The following KIAA1671 variants were observed in gnomAD, a reference collection of about 807,000 sequenced individuals.
The protein encoded by KIAA1671 is KIAA1671.
Under a neutral mutation model 131.2 loss-of-function variants are expected in KIAA1671, and 52 were observed. That is an observed-to-expected ratio of 0.40 (90% CI 0.32 to 0.50). The LOEUF (loss-of-function observed/expected upper bound fraction) is 0.50, where lower values mean the gene tolerates loss of function less well. Ranked by LOEUF, KIAA1671 falls within the 20% of genes least tolerant of loss-of-function variation. The pLI, the probability that KIAA1671 is intolerant of heterozygous loss-of-function variation, is 0.73. For missense variants in KIAA1671, 2,360 were observed against 2,364.2 expected (o/e 1.00, Z 0.04); for synonymous variants, 1,003 against 961.6 (o/e 1.04, Z -0.80).
chr22:25,101,209 G>C (rs1193394378), intron 6 of KIAA1671, among the ~76,000 whole-genome samples: 1 of 152,222 alleles, frequency 6.6e-6, no homozygotes, highest in East Asian at 1.9e-4. Context: ...GAACCACCGG[G>C]TGGCCCAGGG....
At chr22:25,032,456 G>A (rs1926345613) in intron 3 of KIAA1671, among the ~76,000 whole-genome samples, 153 bp from the exon 4 acceptor site, 1 of 152,216 alleles carries the variant, frequency 6.6e-6, no homozygotes, top group African/African-American at 2.4e-5. Flanking sequence ...TGTGTTTGAG[G>A]TAGGCTCTCC....
rs1186797252 is a variant in KIAA1671 at position 25,196,254 on chromosome 22, C to T, written c.*3853C>T. The T allele has an allele frequency of 6.6e-6, 1 of 152,088 alleles. No homozygotes were observed. The highest frequency in any genetic ancestry group is 2.4e-5 in the African/African-American group (1 of 41,388). 9.4% of individuals were successfully genotyped at this position (152,088 alleles called of 1,614,324 possible). ...GCCTGAGGTTTCCGGCAAGTTAACC[C>T]TTAAAATGGACACCCCTCAGCCCGC... On this transcript the variant is annotated 3_prime_UTR_variant, in exon 13 of 13. Coordinates refer to ENST00000358431, the MANE Select transcript of KIAA1671 (RefSeq NM_001145206.2).
intron 6 of KIAA1671, chr22:25,053,148 G>T (rs2145824648): frequency 6.6e-6 from 1 of 152,206 alleles, no homozygotes; most frequent in South Asian, 2.1e-4. Context: ...GTAGGGAAGT[G>T]TCTTGTGTAT....
chr22:24,996,386 C>T (rs149652119), intron 1 of KIAA1671, among the ~76,000 whole-genome samples: 29 of 152,258 alleles, frequency 1.9e-4, no homozygotes, highest in South Asian at 4.2e-4. Context: ...ATGGATTACA[C>T]GTTTCCTTAC....
At chr22:25,083,188 G>C (rs1350971817) in intron 6 of KIAA1671, among the ~76,000 whole-genome samples, 1 of 152,140 alleles carries the variant, frequency 6.6e-6, no homozygotes, top group Non-Finnish European at 1.5e-5. Flanking sequence ...GGTTTCTCCT[G>C]AGGTCTCTCT....
chr22:25,069,226 G>C (rs989488306), intron 6 of KIAA1671, among the ~76,000 whole-genome samples: 4 of 152,160 alleles, frequency 2.6e-5, no homozygotes, highest in African/African-American at 9.7e-5. Context: ...TGGTTTGGCA[G>C]GATTCTACCT....
At chr22:25,108,310 G>A (rs1196692904) in intron 6 of KIAA1671, among the ~76,000 whole-genome samples, 1 of 152,192 alleles carries the variant, frequency 6.6e-6, no homozygotes, top group African/African-American at 2.4e-5. Context: ...AAAAAGCTGT[G>A]TGCCATTCCA....
At chr22:25,106,548 A>G (rs1182487062) in intron 6 of KIAA1671, among the ~76,000 whole-genome samples, 2 of 152,202 alleles carry the variant, frequency 1.3e-5, no homozygotes, top group African/African-American at 4.8e-5. Flanking sequence ...TCACCGTCAC[A>G]CAGCTAATAA....
Position 25,038,748 on chromosome 22 carries a change from G to C in KIAA1671, c.1630-12G>C. The C allele has an allele frequency of 3.3e-6, 5 of 1,511,020 alleles. No individual in the cohort carries two copies. Among genetic ancestry groups the C allele is most frequent in the Non-Finnish European group, 4.5e-6 (5 of 1,123,132 alleles). 93.6% of individuals were successfully genotyped at this position (1,511,020 alleles called of 1,614,324 possible). A position where few individuals can be genotyped will look rare whatever the true frequency, so the allele number is the denominator to read the frequency against. ...CACTGAGGTGTTTCTTTTTCTTTTTGTTTCTTTCCAGCAAAAGGAGGGGCA... is the reference window on the plus strand; with the variant it reads ...CACTGAGGTGTTTCTTTTTCTTTTTCTTTCTTTCCAGCAAAAGGAGGGGCA... On this transcript the variant is annotated splice_polypyrimidine_tract_variant and intron_variant, in intron 4 of 12. Coordinates refer to ENST00000358431, the MANE Select transcript of KIAA1671 (RefSeq NM_001145206.2).
At chr22:25,091,955 T>G (rs979530605) in intron 6 of KIAA1671, among the ~76,000 whole-genome samples, 1 of 152,174 alleles carries the variant, frequency 6.6e-6, no homozygotes, top group African/African-American at 2.4e-5. Context: ...CTTGTGTGTG[T>G]GTTCATTTAT....
intron 6 of KIAA1671, among the ~76,000 whole-genome samples, chr22:25,083,040 C>T (rs1229103182): frequency 6.6e-6 from 1 of 151,988 alleles, no homozygotes. Flanking sequence ...TATTTTGCTC[C>T]TCCTATGTGC....
chr22:25,153,462 A>G (rs929223798), intron 6 of KIAA1671, among the ~76,000 whole-genome samples: 3 of 152,188 alleles, frequency 2.0e-5, no homozygotes, highest in Non-Finnish European at 4.4e-5. Flanking sequence ...GGGAAACCCC[A>G]TCCTAGACCT....
At chr22:25,167,342 C>G (rs987207540) in intron 6 of KIAA1671, among the ~76,000 whole-genome samples, 5 of 152,118 alleles carry the variant, frequency 3.3e-5, no homozygotes, top group African/African-American at 1.2e-4. Flanking sequence ...ATTTCTCTTA[C>G]GGGAATAATT....
Position 25,039,645 on chromosome 22 carries a change from G to A in KIAA1671, c.2515G>A (p.Glu839Lys), listed in dbSNP as rs1390010872. 16 of 1,545,120 alleles carry A rather than the reference G, an allele frequency of 1.0e-5. No individual in the cohort carries two copies. Among genetic ancestry groups the A allele is most frequent in the South Asian group, 2.4e-5 (2 of 83,388 alleles). The change falls in exon 5 of 13, where the codon GAA (glutamate) becomes AAA (lysine). Residue 839 changes from glutamate to lysine, a missense_variant. Coordinates refer to ENST00000358431, the MANE Select transcript of KIAA1671 (RefSeq NM_001145206.2). ...SSHKATVAVS[E>K]EHCAPGATSV... is the part of the protein sequence containing the mutation. ...GCACAAAGCCACCGTGGCAGTCAGC[G>A]AAGAGCACTGTGCTCCCGGGGCCAC...
At chr22:25,063,378 A>T (rs1019223285) in intron 6 of KIAA1671, 5 of 152,208 alleles carry the variant, frequency 3.3e-5, no homozygotes, top group Non-Finnish European at 5.9e-5. Context: ...CTACTCAGCC[A>T]CAAAAAAGGA....
In KIAA1671 at chr22:25,027,798, G is replaced by A. The variant is rs1022877933; in HGVS notation, c.-55-147G>A. On this transcript the variant is annotated intron_variant, in intron 2 of 12. Coordinates refer to ENST00000358431, the MANE Select transcript of KIAA1671 (RefSeq NM_001145206.2). ...AGAGCTCAGAGACGGGGAGAGGCAGGCCCAAGCCTGCCGGGTGAGGTCAGC... is the reference window on the plus strand; with the variant it reads ...AGAGCTCAGAGACGGGGAGAGGCAGACCCAAGCCTGCCGGGTGAGGTCAGC... 1.6e-3 allele frequency: 781 copies of A among 488,870 alleles called. 6 individuals are homozygous for A. The highest frequency in any genetic ancestry group is 0.014 in the African/African-American group (704 of 50,626). The allele number at this position is 488,870 out of a possible 1,614,324, so 30.3% of individuals were successfully genotyped here.
At chr22:25,144,304 A>C (rs1164563266) in intron 6 of KIAA1671, among the ~76,000 whole-genome samples, 1 of 152,082 alleles carries the variant, frequency 6.6e-6, no homozygotes, top group African/African-American at 2.4e-5. Flanking sequence ...TCCTCCTCCA[A>C]GTAGCCCACT....
intron 6 of KIAA1671, among the ~76,000 whole-genome samples, chr22:25,142,962 C>G (rs933749684): frequency 3.3e-5 from 5 of 152,220 alleles, no homozygotes; most frequent in African/African-American, 1.2e-4. Flanking sequence ...AGAGGCAGGC[C>G]CCAGCTGCGC....
chr22:25,082,380 G>A (rs1039799561), intron 6 of KIAA1671, among the ~76,000 whole-genome samples: 1 of 152,160 alleles, frequency 6.6e-6, no homozygotes, highest in African/African-American at 2.4e-5. Flanking sequence ...AATGCGCAGA[G>A]GCCAGGCACC....
Sources: gnomAD v4.1 joint callset for allele counts (sites outside exome capture counted in the v4.1 genomes callset) on GRCh38, gnomAD v4.1.1 for gene constraint, MANE v1.5 for transcripts, NCBI Gene and HGNC (gene_info 2026-07-23, HGNC 2026-07-21) for gene names.